ADAMTS19: variants seen among roughly 807,000 people sequenced by gnomAD.
ADAMTS19 encodes the protein A disintegrin and metalloproteinase with thrombospondin motifs 19.
In ADAMTS19, 93 loss-of-function variants were observed where a neutral mutation model predicts 153.3. The observed-to-expected ratio is 0.61, with a 90% CI of 0.51 to 0.72. The LOEUF (loss-of-function observed/expected upper bound fraction) is 0.72, where lower values mean the gene tolerates loss of function less well. ADAMTS19 is among the 30% of genes least tolerant of loss of function. The pLI is 0.00. For missense variants in ADAMTS19, 1,482 were observed against 1,552.1 expected, an observed-to-expected ratio of 0.95 and a Z score of 0.76; for synonymous variants, 600 against 556.6, an observed-to-expected ratio of 1.08 and a Z score of -1.10.
intron 6 of ADAMTS19, among the ~76,000 whole-genome samples, chr5:129,549,809 CAT>C: frequency 2.1e-5 from 3 of 145,842 alleles, no homozygotes; most frequent in Non-Finnish European, 3.0e-5. Context: ...TCTATATATA[CAT>C]ATACATGTAT....
intron 3 of ADAMTS19, among the ~76,000 whole-genome samples, chr5:129,510,886 A>T (rs1480074156): frequency 7.0e-6 from 1 of 143,086 alleles, no homozygotes; most frequent in Non-Finnish European, 1.5e-5. Context: ...TATAGTAGGC[A>T]TGATTGTTAC....
chr5:129,721,741 T>C (rs1203636651), intron 21 of ADAMTS19, among the ~76,000 whole-genome samples: 1 of 152,166 alleles, frequency 6.6e-6, no homozygotes, highest in Non-Finnish European at 1.5e-5. Flanking sequence ...TTTGTCCTGA[T>C]GCTCTCCCTC....
intron 8 of ADAMTS19, among the ~76,000 whole-genome samples, chr5:129,610,025 A>C (rs1751117730): frequency 6.6e-6 from 1 of 152,076 alleles, no homozygotes; most frequent in Non-Finnish European, 1.5e-5. Context: ...CAACTAAATA[A>C]TTAAAGGAAG....
intron 7 of ADAMTS19, among the ~76,000 whole-genome samples, chr5:129,568,478 C>A (rs764313787): frequency 1.6e-4 from 24 of 151,930 alleles, no homozygotes; most frequent in Non-Finnish European, 3.1e-4. Flanking sequence ...AATGTAAAAC[C>A]TATGGGAAGC....
At chr5:129,702,941 A>AAATATATATAC in intron 20 of ADAMTS19, among the ~76,000 whole-genome samples, 2 of 29,308 alleles carry the variant, frequency 6.8e-5, no homozygotes, top group Non-Finnish European at 1.7e-4. Flanking sequence ...AAAAAAAAAA[A>AAATATATATAC]ATATATATAT....
intron 7 of ADAMTS19, among the ~76,000 whole-genome samples, chr5:129,555,174 T>A (rs55805019): frequency 2.6e-5 from 4 of 152,084 alleles, no homozygotes; most frequent in Non-Finnish European, 4.4e-5. Context: ...ATTTATTAGT[T>A]TGGATCATAT....
chr5:129,649,695 C>T (rs1460068140), intron 13 of ADAMTS19, among the ~76,000 whole-genome samples: 2 of 152,110 alleles, frequency 1.3e-5, no homozygotes. Flanking sequence ...TGGCGTACAG[C>T]TATACACACA....
intron 6 of ADAMTS19, among the ~76,000 whole-genome samples, chr5:129,534,742 A>C (rs1346108387): frequency 1.3e-5 from 2 of 152,238 alleles, no homozygotes; most frequent in Non-Finnish European, 2.9e-5. Flanking sequence ...AGTGGGCTTC[A>C]TCCCTGAGAT....
chr5:129,706,779 C>T (rs978179653), intron 21 of ADAMTS19, among the ~76,000 whole-genome samples: 1 of 152,154 alleles, frequency 6.6e-6, no homozygotes, highest in Admixed American at 6.5e-5. Flanking sequence ...GTTAATGAAA[C>T]GTGCCTACTG....
At chr5:129,478,537 C>G (rs1750300921) in intron 2 of ADAMTS19, among the ~76,000 whole-genome samples, 1 of 151,992 alleles carries the variant, frequency 6.6e-6, no homozygotes, top group Non-Finnish European at 1.5e-5. Flanking sequence ...AAGTGGAACC[C>G]CTACCTTTTT....
intron 8 of ADAMTS19, among the ~76,000 whole-genome samples, 168 bp downstream of exon 8, chr5:129,596,832 G>C (rs898136020): frequency 6.6e-6 from 1 of 152,136 alleles, no homozygotes; most frequent in South Asian, 2.1e-4. Context: ...TGTCTTTTGA[G>C]TGTTGCAACT....
chr5:129,709,796 C>A (rs986785734), intron 21 of ADAMTS19, among the ~76,000 whole-genome samples: 2 of 152,212 alleles, frequency 1.3e-5, no homozygotes, highest in Non-Finnish European at 2.9e-5. Context: ...GGCCAGCAGT[C>A]AATACAAGTG....
intron 21 of ADAMTS19, among the ~76,000 whole-genome samples, chr5:129,723,874 A>G (rs1486215008): frequency 1.3e-5 from 2 of 152,186 alleles, no homozygotes; most frequent in African/African-American, 4.8e-5. Context: ...TAAGATGTGC[A>G]TTGGTTTGAT....
At chr5:129,665,419 G>A (rs566516729) in intron 15 of ADAMTS19, 80 bp from the exon 16 acceptor site, 1 of 1,243,890 alleles carries the variant, frequency 8.0e-7, no homozygotes, top group Non-Finnish European at 1.1e-6. Flanking sequence ...AAACCAAAAG[G>A]AAAACAAAAG....
At chr5:129,478,228 T>C (rs1167964425) in intron 2 of ADAMTS19, among the ~76,000 whole-genome samples, 3 of 152,182 alleles carry the variant, frequency 2.0e-5, no homozygotes, top group African/African-American at 7.2e-5. Flanking sequence ...CTATAGGGTG[T>C]TGCTATGTAA....
chr5:129,702,986 A>G (rs1205716967), intron 20 of ADAMTS19, among the ~76,000 whole-genome samples: 5 of 145,650 alleles, frequency 3.4e-5, no homozygotes, highest in Non-Finnish European at 6.0e-5. Flanking sequence ...ATACATATAT[A>G]TATGTATTAA....
rs566143457 is a variant in ADAMTS19 at position 129,668,197 on chromosome 5, G to A, written c.2506+2618G>A. Reference sequence around the variant, plus strand: ...TCTTTGCCTTCTCCTTTCCTTCTATGTCCAAATTTTCCTCTTCTCTCTTAT... The same window carrying A: ...TCTTTGCCTTCTCCTTTCCTTCTATATCCAAATTTTCCTCTTCTCTCTTAT... On this transcript the variant is annotated intron_variant, in intron 16 of 22. Transcript: ENST00000274487. Among the ~76,000 whole-genome samples the A allele has an allele frequency of 5.9e-5, 9 of 152,104 alleles. No homozygotes were observed. The South Asian group carries it at 1.9e-3, about 32-fold the overall frequency.
intron 3 of ADAMTS19, among the ~76,000 whole-genome samples, chr5:129,521,810 G>A (rs1054685658): frequency 6.6e-6 from 1 of 152,148 alleles, no homozygotes; most frequent in Non-Finnish European, 1.5e-5. Flanking sequence ...GTTTCTGGGT[G>A]CATAGCCACA....
In ADAMTS19 at chr5:129,610,681, A is replaced by G. The variant is rs549780238; in HGVS notation, c.1479-9937A>G. ...ATATGTGCCACATTTTCTTAATCCA[A>G]TCTATCACTGTTGGACATTTGGGTT... is the stretch of plus-strand genomic sequence containing the variant. On this transcript the variant is annotated intron_variant, in intron 8 of 22. Coordinates refer to ENST00000274487, the MANE Select transcript of ADAMTS19 (RefSeq NM_133638.6). 2.9e-3 allele frequency among the ~76,000 whole-genome samples: 442 copies of G among 152,012 alleles called. 3 individuals carry two copies. The highest frequency in any genetic ancestry group is 0.01 in the African/African-American group (432 of 41,392).
Sources: allele counts gnomAD v4.1 joint callset (sites outside exome capture counted in the v4.1 genomes callset), GRCh38; gene constraint gnomAD v4.1.1; transcripts MANE v1.5; gene names NCBI Gene and HGNC (gene_info 2026-07-23, HGNC 2026-07-21).